Variants in FAM81B observed in about 807,000 individuals in gnomAD.
FAM81B encodes the protein family with sequence similarity 81 member B.
FAM81B carries 60 observed loss-of-function variants against 58.7 expected under a neutral mutation model. The ratio of observed to expected loss-of-function variants is 1.02; its 90% confidence interval spans 0.83 to 1.27. FAM81B has a LOEUF of 1.27. FAM81B is among the 50% of genes most tolerant of loss of function. FAM81B has a pLI of 0.00. For missense variants in FAM81B, 491 were observed against 522.0 expected (o/e 0.94, Z 0.58); for synonymous variants, 189 against 179.6 (o/e 1.05, Z -0.42).
At chr5:95,428,878 C>G in intron 6 of FAM81B, 146 bp downstream of exon 6, 1 of 1,079,884 alleles carries the variant, frequency 9.3e-7, no homozygotes, top group Non-Finnish European at 1.3e-6. Flanking sequence ...CACTCATATA[C>G]GCCATGGAAA....
intron 3 of FAM81B, among the ~76,000 whole-genome samples, chr5:95,407,186 C>T (rs539581118): frequency 6.6e-6 from 1 of 151,994 alleles, no homozygotes; most frequent in East Asian, 1.9e-4. Context: ...GGGGTAGGAG[C>T]CAAGGTGAGC....
rs527918710 is a variant in FAM81B at position 95,437,084 on chromosome 5, A to G, written c.893+178A>G. Among the ~76,000 whole-genome samples the G allele has an allele frequency of 5.3e-5, 8 of 152,240 alleles. No individual in the cohort carries two copies. In the East Asian group the frequency reaches 1.5e-3, roughly 29 times the overall value. On this transcript the variant is annotated intron_variant, in intron 7 of 9. Transcript: ENST00000283357. ...AGTAACTTATATAATATTTATAATA[A>G]AAGAATTATGAATATTAATCTTATC...
At chr5:95,394,721 T>C (rs1294286139) in intron 2 of FAM81B, among the ~76,000 whole-genome samples, 2 of 151,930 alleles carry the variant, frequency 1.3e-5, no homozygotes, top group Non-Finnish European at 2.9e-5. Context: ...CTCCTGGGGG[T>C]TCACAGGCTC....
chr5:95,439,521 G>T (rs553028280), intron 7 of FAM81B, among the ~76,000 whole-genome samples: 1 of 151,320 alleles, frequency 6.6e-6, no homozygotes, highest in African/African-American at 2.4e-5. Context: ...CAATTTTTAG[G>T]ATTCTTTCAC....
intron 6 of FAM81B, among the ~76,000 whole-genome samples, chr5:95,436,538 C>T (rs1272829305): frequency 6.6e-6 from 1 of 152,066 alleles, no homozygotes; most frequent in Non-Finnish European, 1.5e-5. Context: ...CATTAGATGG[C>T]CTATGATCAA....
intron 8 of FAM81B, among the ~76,000 whole-genome samples, chr5:95,446,950 T>TA (rs200029859): frequency 0.051 from 5,807 of 113,080 alleles, 238 homozygotes; most frequent in African/African-American, 0.19. Context: ...GTTTTTTTTT[T>TA]TAAAAAAAAA....
intron 6 of FAM81B, among the ~76,000 whole-genome samples, chr5:95,435,094 C>T (rs60904962): frequency 0.02 from 3,041 of 152,246 alleles, 101 homozygotes; most frequent in African/African-American, 0.069. Context: ...ACAAAAGTCA[C>T]GCATCAAAGG....
chr5:95,433,984 G>A lies in FAM81B; in HGVS notation c.787-2816G>A, dbSNP rs921174297. Among the ~76,000 whole-genome samples the A allele has an allele frequency of 5.3e-5, 8 of 152,056 alleles. No individual in the cohort carries two copies. In the East Asian group the frequency reaches 7.7e-4, roughly 15 times the overall value. ...AACAAACTTTGCCTATTACCTTTTC[G>A]AAAAACCAGCCCTTGGATTACACAT... On this transcript the variant is annotated intron_variant, in intron 6 of 9. Coordinates refer to ENST00000283357, the MANE Select transcript of FAM81B (RefSeq NM_152548.3).
chr5:95,436,728 A>C (rs1226836733), intron 6 of FAM81B, 72 bp from the exon 7 acceptor site: 5 of 999,064 alleles, frequency 5.0e-6, no homozygotes, highest in Non-Finnish European at 8.0e-6. Flanking sequence ...GGCTCCTTAA[A>C]GGAATAAAGT....
intron 6 of FAM81B, among the ~76,000 whole-genome samples, chr5:95,432,869 C>T (rs1439984444): frequency 6.6e-6 from 1 of 151,806 alleles, no homozygotes; most frequent in Non-Finnish European, 1.5e-5. Context: ...ATTGTCTTTT[C>T]CAACTCTCCA....
chr5:95,394,892 T>C (rs1761923061), intron 2 of FAM81B, among the ~76,000 whole-genome samples: 1 of 152,196 alleles, frequency 6.6e-6, no homozygotes, highest in Non-Finnish European at 1.5e-5. Context: ...TTCTTAAAAC[T>C]TAAGAAGTAG....
At chr5:95,393,877 A>G (rs1470695458) in intron 2 of FAM81B, among the ~76,000 whole-genome samples, 1 of 152,216 alleles carries the variant, frequency 6.6e-6, no homozygotes, top group Non-Finnish European at 1.5e-5. Flanking sequence ...ATATATGTAA[A>G]AAAATTCCCA....
At chr5:95,424,281 G>A (rs900696636) in intron 5 of FAM81B, 4 of 1,219,916 alleles carry the variant, frequency 3.3e-6, no homozygotes, top group East Asian at 5.6e-5. Context: ...ATAGACAGAA[G>A]ACAGACAGAT....
In FAM81B at chr5:95,420,294, A is replaced by T; in HGVS notation, c.548A>T (p.Asp183Val). 6.2e-7 allele frequency: 1 copy of T among 1,613,664 alleles called. No homozygotes were observed. Among genetic ancestry groups the T allele is most frequent in the Non-Finnish European group, 8.5e-7 (1 of 1,179,696 alleles). ...GACTCAAAATTACAGATTTTAGAAG[A>T]CCAAATAAGAGCTCGAGATCAGGCG... is the stretch of plus-strand genomic sequence containing the variant. ...KLSQNIEILE[D>V]QIRARDQAAT... The change falls in exon 5 of 10, where the codon GAC (aspartate) becomes GTC (valine). Residue 183 changes from aspartate to valine, a missense_variant. By Grantham distance (152) the Asp-to-Val change is radical. Transcript: ENST00000283357.
chr5:95,425,165 C>T (rs568891659), intron 5 of FAM81B, among the ~76,000 whole-genome samples: 14 of 144,836 alleles, frequency 9.7e-5, no homozygotes, highest in Non-Finnish European at 1.6e-4. Flanking sequence ...AGAAACAGAA[C>T]GAATTCTTCA....
chr5:95,442,563 T>C (rs1745404505), intron 7 of FAM81B, among the ~76,000 whole-genome samples: 1 of 152,186 alleles, frequency 6.6e-6, no homozygotes, highest in Admixed American at 6.5e-5. Flanking sequence ...CACAATTCTG[T>C]CTATTGAAAA....
intron 5 of FAM81B, among the ~76,000 whole-genome samples, chr5:95,425,911 ATTC>A (rs558529274): frequency 3.0e-3 from 452 of 151,608 alleles, no homozygotes; most frequent in African/African-American, 0.011. Flanking sequence ...CTTTTTATAG[ATTC>A]TTTTTTTTAG....
chr5:95,440,926 C>T (rs1745314146), intron 7 of FAM81B, among the ~76,000 whole-genome samples: 1 of 152,162 alleles, frequency 6.6e-6, no homozygotes, highest in Non-Finnish European at 1.5e-5. Flanking sequence ...AGATGTCAAT[C>T]ATGGAAAATG....
intron 4 of FAM81B, among the ~76,000 whole-genome samples, chr5:95,418,151 A>C (rs980996597): frequency 6.6e-6 from 1 of 152,170 alleles, no homozygotes; most frequent in Non-Finnish European, 1.5e-5. Flanking sequence ...CATGGTGTGA[A>C]TCATCCCTTT....
Sources: gnomAD v4.1 joint callset for allele counts (sites outside exome capture counted in the v4.1 genomes callset) on GRCh38, gnomAD v4.1.1 for gene constraint, MANE v1.5 for transcripts, NCBI Gene and HGNC (gene_info 2026-07-23, HGNC 2026-07-21) for gene names.